SPEG: variants seen among roughly 807,000 people sequenced by gnomAD.
SPEG encodes striated muscle preferentially expressed protein kinase.
Under a neutral mutation model 300.4 loss-of-function variants are expected in SPEG, and 114 were observed. The observed-to-expected ratio is 0.38, with a 90% confidence interval of 0.33 to 0.44. The LOEUF is 0.44. Among genes scored for constraint, SPEG ranks in the 20% least tolerant of loss-of-function variants. The probability of loss-of-function intolerance (pLI) is 1.00; values close to 1 mark genes in which losing one functional copy is unlikely to be tolerated. For missense variants in SPEG, 4,201 were observed against 4,586.2 expected, an observed-to-expected ratio of 0.92 and a Z score of 2.43; for synonymous variants, 1,964 against 2,018.9, an observed-to-expected ratio of 0.97 and a Z score of 0.73.
chr2:219,489,068 C>T lies in SPEG; in HGVS notation c.8164C>T (p.His2722Tyr). ...ACTGCCTATAGGGGAGTCTGTGTGG[C>T]ACCCTGTGAGCTCAGGCATCCCCGA... ...ERRVDGESVW[H>Y]PVSSGIPDCY... is the part of the protein sequence containing the mutation. The change falls in exon 35 of 41, where the codon CAC becomes TAC. Residue 2722 changes from histidine (H) to tyrosine (Y), a missense_variant. His to Tyr is a moderately conservative substitution (Grantham distance 83, BLOSUM62 2). Around this residue, in one of 4 missense-constraint regions of SPEG, gnomAD observed 1,578 missense variants for 1,506.0 expected, o/e 1.05. Transcript: ENST00000312358. The T allele has an allele frequency of 6.2e-7, 1 of 1,613,832 alleles. No homozygotes were observed. The highest frequency in any genetic ancestry group is 8.5e-7 in the Non-Finnish European group (1 of 1,179,934).
chr2:219,469,309 C>T lies in SPEG; in HGVS notation c.3645C>T (p.Pro1215=), dbSNP rs374311978. 1 of 1,613,992 alleles carries T rather than the reference C, an allele frequency of 6.2e-7. No individual in the cohort carries two copies. Among genetic ancestry groups the T allele is most frequent in the Non-Finnish European group, 8.5e-7 (1 of 1,180,000 alleles). ...AMLECQVTGL[P]YPTISWFHNG... ...TAGAGTGCCAGGTGACCGGCCTGCC[C>T]TACCCCACCATCAGCTGGTTCCACA... The change falls in exon 13 of 41, where the codon CCC becomes CCT. Residue 1215 remains proline, a synonymous_variant. Transcript: ENST00000312358.
At position 219,451,665 on chromosome 2, in the gene SPEG, C is replaced by T; in HGVS notation, c.2298C>T (p.Gly766=). 3 of 1,587,500 alleles carry T rather than the reference C, an allele frequency of 1.9e-6. No individual in the cohort carries two copies. The highest frequency in any genetic ancestry group is 2.7e-5 in the African/African-American group (2 of 74,652). Residue 766 remains glycine (G), a synonymous_variant, in exon 6 of 41, where the codon GGC becomes GGT. Coordinates refer to ENST00000312358, the MANE Select transcript of SPEG (RefSeq NM_005876.5). This position sits in a 1 kb window ranked among gnomAD's most constrained non-coding sequence, Gnocchi z 6.4. The part of the protein sequence containing the change: ...HKDGSALRSE[G]RLLLRAEGER... ...ATGGGTCAGCGCTGCGCAGCGAGGG[C>T]CGCCTCCTCCTCCGGGCTGAGGGTG... is the stretch of plus-strand genomic sequence containing the variant.
intron 1 of SPEG, among the ~76,000 whole-genome samples, chr2:219,436,587 C>A (rs1402417611): frequency 6.6e-6 from 1 of 152,168 alleles, no homozygotes; most frequent in Non-Finnish European, 1.5e-5. Flanking sequence ...AGCAGGTGGG[C>A]AAGAAGTCTC....
Position 219,485,041 on chromosome 2 carries a change from C to T in SPEG, c.7578C>T (p.Gly2526=). Residue 2526 remains glycine, a synonymous_variant, in exon 30 of 41, where the codon GGC becomes GGT. Coordinates refer to ENST00000312358, the MANE Select transcript of SPEG (RefSeq NM_005876.5). ...GATTPSAESL[G]SEASATSGSS... ...CCACGCCTTCCGCCGAGTCCCTGGG[C>T]TCCGAGGCCAGCGCCACGTCGGGCT... is the stretch of plus-strand genomic sequence containing the variant. 2 of 1,532,586 alleles carry T rather than the reference C, an allele frequency of 1.3e-6. No homozygotes were observed. The highest frequency in any genetic ancestry group is 2.4e-5 in the South Asian group (2 of 83,888). 94.9% of individuals were successfully genotyped at this position (1,532,586 alleles called of 1,614,324 possible).
intron 34 of SPEG, 75 bp downstream of exon 34, chr2:219,488,975 C>T (rs1693708584): frequency 6.2e-7 from 1 of 1,604,446 alleles, no homozygotes; most frequent in South Asian, 1.1e-5. Flanking sequence ...CCAGTGCCCT[C>T]CCAGGCTCCA....
In SPEG at chr2:219,462,351, C is replaced by G; in HGVS notation, c.2670C>G (p.Ile890Met). 1.3e-6 allele frequency: 2 copies of G among 1,567,118 alleles called. No individual in the cohort carries two copies. The highest frequency in any genetic ancestry group is 1.7e-6 in the Non-Finnish European group (2 of 1,155,100). Residue 890 changes from isoleucine (I) to methionine (M), a missense_variant, in exon 8 of 41, where the codon ATC becomes ATG. Around this residue, in one of 4 missense-constraint regions of SPEG, gnomAD observed 1,047 missense variants for 1,356.8 expected, o/e 0.77. Coordinates refer to ENST00000312358, the MANE Select transcript of SPEG (RefSeq NM_005876.5). ...VREGQDVIMS[I>M]RVQGEPKPVV... ...AAGGCCAAGATGTCATCATGAGCATCCGCGTGCAGGGGGAGCCCAAGCCTG... is the reference window on the plus strand; with the variant it reads ...AAGGCCAAGATGTCATCATGAGCATGCGCGTGCAGGGGGAGCCCAAGCCTG...
At chr2:219,471,711 C>A in intron 13 of SPEG, 157 bp from the exon 14 acceptor site, 1 of 841,692 alleles carries the variant, frequency 1.2e-6, no homozygotes, top group Non-Finnish European at 1.8e-6. Context: ...ACCATGGATG[C>A]ACTTCTTGCT....
chr2:219,475,458 C>T (rs1322602489), intron 18 of SPEG, among the ~76,000 whole-genome samples: 2 of 152,082 alleles, frequency 1.3e-5, no homozygotes, highest in African/African-American at 2.4e-5. Flanking sequence ...CGAGGGGAGG[C>T]GTCTGTGAAG....
chr2:219,463,182 C>A (rs1690892561), intron 8 of SPEG, among the ~76,000 whole-genome samples: 1 of 151,804 alleles, frequency 6.6e-6, no homozygotes, highest in African/African-American at 2.4e-5. Context: ...GCACTCCAGC[C>A]TGGACAATAT....
intron 28 of SPEG, chr2:219,482,034 C>T: frequency 2.6e-6 from 1 of 390,508 alleles, no homozygotes; most frequent in Non-Finnish European, 4.7e-6. Flanking sequence ...ACTGGTCCCA[C>T]ACAATAGCGT....
At chr2:219,475,054 A>C (rs1200723421) in intron 18 of SPEG, among the ~76,000 whole-genome samples, 1 of 152,032 alleles carries the variant, frequency 6.6e-6, no homozygotes, top group Non-Finnish European at 1.5e-5. Flanking sequence ...CAAAGTGCTG[A>C]GATTATAGAT....
At position 219,479,218 on chromosome 2, in the gene SPEG, G is replaced by A. The variant is rs1176126974; in HGVS notation, c.5085+17G>A. 6.2e-7 allele frequency: 1 copy of A among 1,610,814 alleles called. No homozygotes were observed. The highest frequency in any genetic ancestry group is 8.5e-7 in the Non-Finnish European group (1 of 1,177,894). On this transcript the variant is annotated intron_variant, in intron 23 of 40. Coordinates refer to ENST00000312358, the MANE Select transcript of SPEG (RefSeq NM_005876.5). The surrounding 1 kb of genome is among the most constrained non-coding windows in gnomAD (Gnocchi z 5.5). ...GAGTCTGAGGTGAGGGCAGTGGGTG[G>A]CAGGGGCCAGGTTGGGCACCAGCCT...
In SPEG at chr2:219,445,159, C is replaced by T. The variant is rs750730495; in HGVS notation, c.813C>T (p.His271=). 43 of 1,568,450 alleles carry T rather than the reference C, an allele frequency of 2.7e-5. No homozygotes were observed. Among genetic ancestry groups the T allele is most frequent in the Admixed American group, 1.9e-4 (10 of 53,574 alleles). Residue 271 remains histidine, a splice_region_variant and synonymous_variant, in exon 3 of 41, where the codon CAC becomes CAT. Transcript: ENST00000312358. The surrounding 1 kb of genome is among the most constrained non-coding windows in gnomAD (Gnocchi z 6.1). ...SLYRGRALSI[H]VSVPQSGLRR... ...ACAGAGGACGGGCGCTCTCTATCCA[C>T]GTGTAAGTAACGGCCTTACCTGGGC...
In SPEG at chr2:219,489,765, C is replaced by T. The variant is rs1437940430; in HGVS notation, c.8747C>T (p.Pro2916Leu). ...FVSAPPAPEPPAPEPPPEPTK... is the reference protein window; with the variant it reads ...FVSAPPAPEPLAPEPPPEPTK... ...TCTGCACCACCAGCCCCTGAGCCCC[C>T]AGCCCCTGAGCCCCCTCCTGAGCCT... The change falls in exon 36 of 41, where the codon CCA becomes CTA. Residue 2916 changes from proline (P) to leucine (L), a missense_variant. Coordinates refer to ENST00000312358, the MANE Select transcript of SPEG (RefSeq NM_005876.5). The T allele has an allele frequency of 8.7e-6, 14 of 1,613,756 alleles. No individual in the cohort carries two copies. In the South Asian group the frequency reaches 1.3e-4, roughly 15 times the overall value.
chr2:219,441,735 G>A (rs116028969), intron 1 of SPEG: 37 of 381,962 alleles, frequency 9.7e-5, no homozygotes, highest in Non-Finnish European at 3.1e-5. Flanking sequence ...GGCTCTCGGC[G>A]TTAGGAGGTG....
chr2:219,478,219 G>A, intron 22 of SPEG, 114 bp downstream of exon 22: 1 of 886,044 alleles, frequency 1.1e-6, no homozygotes, highest in Non-Finnish European at 1.7e-6. Context: ...TTGACAATTG[G>A]GAGGGATACA....
chr2:219,483,213 G>T lies in SPEG; in HGVS notation c.5750G>T (p.Gly1917Val), dbSNP rs1324254101. The change falls in exon 30 of 41, where the codon GGG becomes GTG. Residue 1917 changes from glycine to valine, a missense_variant. Gly to Val is a moderately radical substitution (Grantham distance 109). Coordinates refer to ENST00000312358, the MANE Select transcript of SPEG (RefSeq NM_005876.5). Reference sequence around the variant, plus strand: ...CCCAGAAGGCCACCCCCCAGTGGGGGGCTCTCATCCTCCTCGGATTCTGAA... The same window carrying T: ...CCCAGAAGGCCACCCCCCAGTGGGGTGCTCTCATCCTCCTCGGATTCTGAA... Reference protein sequence around the residue: ...TMPRRPPPSGGLSSSSDSEEE... With the variant: ...TMPRRPPPSGVLSSSSDSEEE... 2.5e-6 allele frequency: 4 copies of T among 1,610,046 alleles called. No individual in the cohort carries two copies. In the African/African-American group the frequency reaches 5.3e-5, roughly 22 times the overall value.
rs777972806 is a variant in SPEG, at chr2:219,484,594, G to A, written c.7131G>A (p.Pro2377=). 4 of 1,569,490 alleles carry A rather than the reference G, an allele frequency of 2.5e-6. No individual in the cohort carries two copies. The African/African-American group carries it at 4.1e-5, about 16-fold the overall frequency. ...AGGATGGCATATACCGGCCCAGCCC[G>A]GCGGGGACCCCGCTGGAGCTGGTGC... The part of the protein sequence containing the change: ...EEEDGIYRPS[P]AGTPLELVRR... Residue 2377 remains proline (P), a synonymous_variant, in exon 30 of 41, where the codon CCG becomes CCA. Coordinates refer to ENST00000312358, the MANE Select transcript of SPEG (RefSeq NM_005876.5).
chr2:219,484,643 G>A lies in SPEG; in HGVS notation c.7180G>A (p.Val2394Met), dbSNP rs749582227. Residue 2394 changes from valine (V) to methionine (M), a missense_variant, in exon 30 of 41, where the codon GTG (valine) becomes ATG (methionine). This residue lies in a region of SPEG where 1,578 missense variants were observed against 1,506.0 expected (regional missense o/e 1.05). Transcript: ENST00000312358. ...LVRRPERSRS[V>M]QDLRAVGEPG... ...GCGACGGCCTGAGCGCTCACGCTCG[G>A]TGCAGGACCTCAGGGCTGTCGGAGA... 2.0e-4 allele frequency: 307 copies of A among 1,537,672 alleles called. No homozygotes were observed. Among genetic ancestry groups the A allele is most frequent in the Non-Finnish European group, 2.6e-4 (302 of 1,146,878 alleles).
Sources: allele counts gnomAD v4.1 joint callset (sites outside exome capture counted in the v4.1 genomes callset), GRCh38; gene constraint gnomAD v4.1.1; regional missense constraint gnomAD v4.1.1; non-coding constraint Gnocchi (gnomAD v3.1); transcripts MANE v1.5; gene names NCBI Gene and HGNC (gene_info 2026-07-23, HGNC 2026-07-21).